SPIN1: variants seen among roughly 807,000 people sequenced by gnomAD.
The protein encoded by SPIN1 is spindlin 1.
In SPIN1, 3 loss-of-function variants were observed where a neutral mutation model predicts 26.0. The ratio of observed to expected loss-of-function variants is 0.12; its 90% confidence interval spans 0.05 to 0.30. SPIN1 has a LOEUF of 0.30. Among genes scored for constraint, SPIN1 ranks in the 10% least tolerant of loss-of-function variants. The pLI, the probability that SPIN1 is intolerant of heterozygous loss-of-function variation, is 1.00. For synonymous variants in SPIN1, 101 were observed against 116.5 expected, an observed-to-expected ratio of 0.87 and a Z score of 0.86; for missense variants, 126 against 333.4, an observed-to-expected ratio of 0.38 and a Z score of 4.84.
intron 3 of SPIN1, among the ~76,000 whole-genome samples, chr9:88,453,760 A>T (rs1344189697): frequency 1.3e-5 from 2 of 152,194 alleles, no homozygotes; most frequent in East Asian, 1.9e-4. Flanking sequence ...TCCCGACCTC[A>T]GGTGATCCAT....
rs140522640 is a variant in SPIN1 at position 88,410,161 on chromosome 9, T to TTGTGTGTG, written c.-158-16221_-158-16220insTGTGTGTG. Among the ~76,000 whole-genome samples the TTGTGTGTG allele has an allele frequency of 7.1e-3, 807 of 113,616 alleles. 5 individuals are homozygous for TTGTGTGTG. Among genetic ancestry groups the TTGTGTGTG allele is most frequent in the African/African-American group, 0.035 (654 of 18,798 alleles). 74.5% of individuals were successfully genotyped at this position (113,616 alleles called of 152,430 possible). On this transcript the variant is annotated intron_variant, in intron 1 of 5. Coordinates refer to ENST00000375859, the MANE Select transcript of SPIN1 (RefSeq NM_006717.3). Reference sequence around the variant, plus strand: ...TATTTGATGCTTTCATGCATATATTTAGTGTGTGTGTGTGTGTGTGTGTGT... The same window carrying TTGTGTGTG: ...TATTTGATGCTTTCATGCATATATTTTGTGTGTGAGTGTGTGTGTGTGTGTGTGTGTGT...
At chr9:88,467,609 T>C (rs556655961) in intron 4 of SPIN1, among the ~76,000 whole-genome samples, 4 of 152,214 alleles carry the variant, frequency 2.6e-5, no homozygotes, top group African/African-American at 7.2e-5. Flanking sequence ...ATGGGAAACC[T>C]GAGGGCAGAG....
intron 5 of SPIN1, among the ~76,000 whole-genome samples, chr9:88,470,616 A>G (rs976102135): frequency 6.9e-6 from 1 of 145,468 alleles, no homozygotes; most frequent in African/African-American, 2.6e-5. Context: ...TTTTTTTGAG[A>G]CAGAGTCTTG....
intron 2 of SPIN1, among the ~76,000 whole-genome samples, chr9:88,446,358 T>G (rs1190728376): frequency 6.6e-6 from 1 of 151,736 alleles, no homozygotes; most frequent in Non-Finnish European, 1.5e-5. Flanking sequence ...AAGTGGAAGG[T>G]ATTTTTTGCT....
rs115848223 is a variant in SPIN1, at chr9:88,401,751, A to C, written c.-159+13213A>C. On this transcript the variant is annotated intron_variant, in intron 1 of 5. Transcript: ENST00000375859. ...GCCAAGGGCCAACTATATTACACAA[A>C]AAATGTAACATTTAATAAGAGAAGC... Among the ~76,000 whole-genome samples the C allele has an allele frequency of 6.7e-3, 1,023 of 152,324 alleles. 7 individuals carry two copies. The highest frequency in any genetic ancestry group is 0.023 in the African/African-American group (948 of 41,572).
At chr9:88,434,471 T>C (rs1310243934) in intron 2 of SPIN1, among the ~76,000 whole-genome samples, 1 of 152,028 alleles carries the variant, frequency 6.6e-6, no homozygotes, top group Admixed American at 6.5e-5. Flanking sequence ...ATAATAAAGC[T>C]ATATATTAAA....
chr9:88,414,543 C>T (rs957323255), intron 1 of SPIN1, among the ~76,000 whole-genome samples: 2 of 152,208 alleles, frequency 1.3e-5, no homozygotes, highest in Admixed American at 6.5e-5. Context: ...AGTGATATCA[C>T]GTGGCTGACC....
At chr9:88,419,833 C>T (rs1163750154) in intron 1 of SPIN1, among the ~76,000 whole-genome samples, 1 of 152,214 alleles carries the variant, frequency 6.6e-6, no homozygotes, top group Non-Finnish European at 1.5e-5. Flanking sequence ...TGGAGCCACT[C>T]ATGCTGAGGT....
Position 88,433,498 on chromosome 9 carries a change from T to TA in SPIN1, c.52+6908dup, listed in dbSNP as rs563052477. Among the ~76,000 whole-genome samples the TA allele has an allele frequency of 8.8e-4, 134 of 152,328 alleles. 1 individual carries two copies. The highest frequency in any genetic ancestry group is 3.0e-3 in the African/African-American group (126 of 41,580). ...AGGCTTTCCTTGAGTCTCTTGATCC[T>TA]AGCATGATCCTCTAGGAAGACATCA... On this transcript the variant is annotated intron_variant, in intron 2 of 5. Transcript: ENST00000375859.
intron 5 of SPIN1, among the ~76,000 whole-genome samples, chr9:88,469,918 G>T (rs548856005): frequency 7.2e-5 from 11 of 152,280 alleles, no homozygotes; most frequent in African/African-American, 2.4e-4. Flanking sequence ...CACCACAGTC[G>T]ATTTTAGAAC....
At chr9:88,429,843 T>C (rs1827831497) in intron 2 of SPIN1, among the ~76,000 whole-genome samples, 4 of 152,160 alleles carry the variant, frequency 2.6e-5, no homozygotes, top group African/African-American at 9.7e-5. Flanking sequence ...GTCCCCATCC[T>C]GAAGCTGTCT....
chr9:88,406,005 CTGTGTGTGTG>C lies in SPIN1; in HGVS notation c.-159+17495_-159+17504del, dbSNP rs745317937. Among the ~76,000 whole-genome samples the C allele has an allele frequency of 4.5e-4, 46 of 103,366 alleles. 1 individual carries two copies. Among genetic ancestry groups the C allele is most frequent in the East Asian group, 3.5e-3 (16 of 4,512 alleles). The allele number at this position is 103,366 out of a possible 152,430, so 67.8% of individuals were successfully genotyped here. A position where few individuals can be genotyped will look rare whatever the true frequency, so the allele number is the denominator to read the frequency against. ...ATGCCACCGTGCCTGGCTTGTGTGT[CTGTGTGTGTG>C]TGTGTGTGTGTGTGTGTGTGTGTGT... On this transcript the variant is annotated intron_variant, in intron 1 of 5. Transcript: ENST00000375859.
chr9:88,463,208 T>C (rs1828605012), intron 4 of SPIN1, among the ~76,000 whole-genome samples: 2 of 152,040 alleles, frequency 1.3e-5, no homozygotes, highest in African/African-American at 4.8e-5. Context: ...ACGTGGTCTT[T>C]ATTATACACA....
chr9:88,393,445 GTTTTTTT>G (rs57244433), intron 1 of SPIN1, among the ~76,000 whole-genome samples: 20 of 88,436 alleles, frequency 2.3e-4, no homozygotes, highest in African/African-American at 5.6e-4. Context: ...TTGCTTTTGG[GTTTTTTT>G]TTTTTTTTTT....
chr9:88,414,611 C>T (rs989045262), intron 1 of SPIN1, among the ~76,000 whole-genome samples: 2 of 152,194 alleles, frequency 1.3e-5, no homozygotes, highest in African/African-American at 4.8e-5. Flanking sequence ...GGTGGCAAAT[C>T]TAGTCAAGTG....
chr9:88,450,083 C>T (rs556496594), intron 3 of SPIN1, among the ~76,000 whole-genome samples: 40 of 152,266 alleles, frequency 2.6e-4, no homozygotes, highest in African/African-American at 9.6e-4. Flanking sequence ...TACATAAGTT[C>T]TTGTTTCTCT....
At chr9:88,474,760 G>A (rs200180546) in intron 5 of SPIN1, among the ~76,000 whole-genome samples, 3 of 152,040 alleles carry the variant, frequency 2.0e-5, no homozygotes, top group African/African-American at 2.4e-5. Flanking sequence ...GATGGAGGTC[G>A]GCAAACTATG....
rs551742235 is a variant in SPIN1 at position 88,397,037 on chromosome 9, TGTGA to T, written c.-159+8507_-159+8510del. Among the ~76,000 whole-genome samples the T allele has an allele frequency of 3.2e-3, 491 of 152,208 alleles. 3 individuals are homozygous for T. Among genetic ancestry groups the T allele is most frequent in the Non-Finnish European group, 4.4e-3 (300 of 68,016 alleles). The stretch of plus-strand genomic sequence containing the variant: ...ACTGGAAGTTGCTCTGGGTTGAGTC[TGTGA>T]GTGAGTGGTGAGTGAATGTGAAGGC... On this transcript the variant is annotated intron_variant, in intron 1 of 5. Coordinates refer to ENST00000375859, the MANE Select transcript of SPIN1 (RefSeq NM_006717.3).
At chr9:88,469,624 TC>T (rs1467349887) in intron 5 of SPIN1, among the ~76,000 whole-genome samples, 3 of 152,132 alleles carry the variant, frequency 2.0e-5, no homozygotes, top group African/African-American at 7.2e-5. Flanking sequence ...AAGCGAGTCT[TC>T]TGCCCCAGCC....
Sources: allele counts gnomAD v4.1 joint callset (sites outside exome capture counted in the v4.1 genomes callset), GRCh38; gene constraint gnomAD v4.1.1; transcripts MANE v1.5; gene names NCBI Gene and HGNC (gene_info 2026-07-23, HGNC 2026-07-21).